DNAJC15: variants seen among roughly 807,000 people sequenced by gnomAD.
DNAJC15 encodes the protein dnaJ homolog subfamily C member 15.
In DNAJC15, 27 loss-of-function variants were observed where a neutral mutation model predicts 22.4. The ratio of observed to expected loss-of-function variants is 1.20; its 90% CI spans 0.89 to 1.66. The LOEUF (loss-of-function observed/expected upper bound fraction) is 1.66, where lower values mean the gene tolerates loss of function less well. DNAJC15 is among the 40% of genes most tolerant of loss of function. DNAJC15 has a pLI of 0.00. For synonymous variants in DNAJC15, 79 were observed against 63.2 expected (o/e 1.25, Z -1.19); for missense variants, 208 against 187.1 (o/e 1.11, Z -0.65).
At chr13:43,091,629 TA>T (rs2040715652) in intron 5 of DNAJC15, among the ~76,000 whole-genome samples, 1 of 152,224 alleles carries the variant, frequency 6.6e-6, no homozygotes, top group Admixed American at 6.5e-5. Context: ...AATCTGTTTA[TA>T]AAATAATTTT....
At chr13:43,030,982 T>C (rs150207011) in intron 1 of DNAJC15, among the ~76,000 whole-genome samples, 57 of 152,266 alleles carry the variant, frequency 3.7e-4, no homozygotes, top group African/African-American at 1.3e-3. Context: ...GAGTAGAACA[T>C]TGAGAAAAGG....
In DNAJC15 at chr13:43,100,054, G is replaced by C. The variant is rs377517137; in HGVS notation, c.383-7124G>C. On this transcript the variant is annotated intron_variant, in intron 5 of 5. Transcript: ENST00000379221. ...TTTACTGATTCAGTCTCTTGTTGCA[G>C]GAATATTCAAGTTGTCTCTTCTTGA... 3.2e-4 allele frequency among the ~76,000 whole-genome samples: 48 copies of C among 152,044 alleles called. 2 individuals are homozygous for C. The South Asian group carries it at 8.9e-3, about 28-fold the overall frequency.
chr13:43,049,940 C>A (rs539772800), intron 1 of DNAJC15, among the ~76,000 whole-genome samples: 95 of 152,256 alleles, frequency 6.2e-4, no homozygotes, highest in African/African-American at 2.2e-3. Flanking sequence ...TTGTTTGAGA[C>A]AGAGTCTTGC....
Position 43,113,138 on chromosome 13 carries a change from AG to A in DNAJC15, c.*5892del, listed in dbSNP as rs1449421618. On this transcript the variant is annotated 3_prime_UTR_variant, in exon 6 of 6. Coordinates refer to ENST00000379221, the MANE Select transcript of DNAJC15 (RefSeq NM_013238.3). ...GCTTTCAAGGAGAACATCCAGAGCA[AG>A]GTTCTGAAGACAGCTCATGAAGGTG... 2 of 152,216 alleles carry A rather than the reference AG, an allele frequency of 1.3e-5. No individual in the cohort carries two copies. Among genetic ancestry groups the A allele is most frequent in the African/African-American group, 4.8e-5 (2 of 41,466 alleles). 9.4% of individuals were successfully genotyped at this position (152,216 alleles called of 1,614,324 possible). A position where few individuals can be genotyped will look rare whatever the true frequency, so the allele number is the denominator to read the frequency against.
chr13:43,038,688 A>G (rs1200580912), intron 1 of DNAJC15, among the ~76,000 whole-genome samples: 1 of 151,960 alleles, frequency 6.6e-6, no homozygotes, highest in African/African-American at 2.4e-5. Context: ...GCTACTCGGG[A>G]AGCTGAGGCA....
At chr13:43,056,953 C>T (rs2762171) in intron 1 of DNAJC15, among the ~76,000 whole-genome samples, 84,188 of 151,994 alleles carry the variant, frequency 0.55, 23,618 homozygotes, top group African/African-American at 0.66. Context: ...CCTTCTTGAT[C>T]GTAGGGTTTC....
At chr13:43,053,162 C>T (rs1439200616) in intron 1 of DNAJC15, among the ~76,000 whole-genome samples, 1 of 152,152 alleles carries the variant, frequency 6.6e-6, no homozygotes, top group Admixed American at 6.5e-5. Flanking sequence ...ATAGGGTGTC[C>T]TTTCCCCACT....
At chr13:43,107,126 A>G (rs2040800500) in intron 5 of DNAJC15, 52 bp from the exon 6 acceptor site, 1 of 1,446,764 alleles carries the variant, frequency 6.9e-7, no homozygotes, top group Non-Finnish European at 9.3e-7. Flanking sequence ...GGGGACTTTA[A>G]AGTATGTCAA....
rs571474389 is a variant in DNAJC15 at position 43,026,781 on chromosome 13, T to C, written c.108+3047T>C. On this transcript the variant is annotated intron_variant, in intron 1 of 5. Coordinates refer to ENST00000379221, the MANE Select transcript of DNAJC15 (RefSeq NM_013238.3). ...TGGACATGGTGGCTCATGCCTGTAA[T>C]TCTAGCAATTTGGAAGGTCAGGTGG... Among the ~76,000 whole-genome samples the C allele has an allele frequency of 5.2e-4, 79 of 152,320 alleles. 2 individuals are homozygous for C. In the East Asian group the frequency reaches 9.2e-3, roughly 18 times the overall value.
intron 5 of DNAJC15, among the ~76,000 whole-genome samples, chr13:43,087,524 G>A (rs1034760026): frequency 1.3e-5 from 2 of 152,186 alleles, no homozygotes; most frequent in South Asian, 4.1e-4. Context: ...AGTATTTGGG[G>A]AAGTATGAGA....
chr13:43,058,588 A>G (rs1212590655), intron 1 of DNAJC15, among the ~76,000 whole-genome samples: 1 of 151,818 alleles, frequency 6.6e-6, no homozygotes, highest in Non-Finnish European at 1.5e-5. Context: ...TGCATGCTGC[A>G]TCTTCTGTGT....
chr13:43,103,632 A>T (rs1026765194), intron 5 of DNAJC15, among the ~76,000 whole-genome samples: 20 of 152,228 alleles, frequency 1.3e-4, no homozygotes, highest in Non-Finnish European at 1.5e-5. Context: ...TGCAGGGTGG[A>T]ATCTTGTATG....
At chr13:43,048,768 T>C (rs1175355017) in intron 1 of DNAJC15, among the ~76,000 whole-genome samples, 3 of 152,234 alleles carry the variant, frequency 2.0e-5, no homozygotes, top group Non-Finnish European at 4.4e-5. Flanking sequence ...CATATATTTA[T>C]AGAAAGATCA....
At chr13:43,101,475 C>CT (rs886553961) in intron 5 of DNAJC15, among the ~76,000 whole-genome samples, 3 of 152,182 alleles carry the variant, frequency 2.0e-5, no homozygotes, top group African/African-American at 7.2e-5. Context: ...CATGGAAAAG[C>CT]TTTTTTGTGG....
In DNAJC15 at chr13:43,108,758, C is replaced by A. The variant is rs1348922356; in HGVS notation, c.*1510C>A. 6.6e-6 allele frequency: 1 copy of A among 152,082 alleles called. No homozygotes were observed. The highest frequency in any genetic ancestry group is 2.4e-5 in the African/African-American group (1 of 41,420). The allele number at this position is 152,082 out of a possible 1,614,324, so 9.4% of individuals were successfully genotyped here. On this transcript the variant is annotated 3_prime_UTR_variant, in exon 6 of 6. Transcript: ENST00000379221. ...AAATGGTTCCAGATATTGCCAAATG[C>A]CCTTTAGAGGACAGTAATCGCCCCC...
chr13:43,106,798 TAA>T (rs201783442), intron 5 of DNAJC15, among the ~76,000 whole-genome samples: 1,836 of 144,490 alleles, frequency 0.013, 35 homozygotes, highest in African/African-American at 0.04. Flanking sequence ...AATGTGTCTT[TAA>T]AAAAAAAAAA....
At chr13:43,079,083 A>G (rs1235293036) in intron 4 of DNAJC15, among the ~76,000 whole-genome samples, 1 of 152,202 alleles carries the variant, frequency 6.6e-6, no homozygotes, top group Admixed American at 6.5e-5. Flanking sequence ...TGTGACATCA[A>G]GCATATTTAT....
At chr13:43,047,839 G>C (rs1360278205) in intron 1 of DNAJC15, among the ~76,000 whole-genome samples, 1 of 152,212 alleles carries the variant, frequency 6.6e-6, no homozygotes, top group Non-Finnish European at 1.5e-5. Context: ...GAATGGGAAA[G>C]GGTACTAATT....
At chr13:43,061,509 AGAG>A (rs2040558706) in intron 1 of DNAJC15, among the ~76,000 whole-genome samples, 1 of 152,214 alleles carries the variant, frequency 6.6e-6, no homozygotes, top group Admixed American at 6.5e-5. Flanking sequence ...AGCTTTGAGA[AGAG>A]TTTTTATTAA....
Sources: gnomAD v4.1 joint callset for allele counts (sites outside exome capture counted in the v4.1 genomes callset) on GRCh38, gnomAD v4.1.1 for gene constraint, MANE v1.5 for transcripts, NCBI Gene and HGNC (gene_info 2026-07-23, HGNC 2026-07-21) for gene names.